PRELID2: variants seen among roughly 807,000 people sequenced by gnomAD.
PRELID2 encodes the protein PRELI domain-containing protein 2.
In PRELID2, 25 loss-of-function variants were observed where a neutral mutation model predicts 28.4. The ratio of observed to expected loss-of-function variants is 0.88; its 90% confidence interval spans 0.64 to 1.23. PRELID2 has a LOEUF of 1.23. Ranked by LOEUF, PRELID2 falls within the 50% of genes most tolerant of loss-of-function variation. PRELID2 has a pLI of 0.00. For synonymous variants in PRELID2, 76 were observed against 71.6 expected, an observed-to-expected ratio of 1.06 and a Z score of -0.31; for missense variants, 201 against 214.4, an observed-to-expected ratio of 0.94 and a Z score of 0.39.
intron 1 of PRELID2, among the ~76,000 whole-genome samples, chr5:145,743,431 G>T (rs1001215361): frequency 9.6e-5 from 12 of 125,272 alleles, no homozygotes; most frequent in Non-Finnish European, 1.5e-4. Context: ...AAAAAAAAAA[G>T]AAAGAAAAAG....
chr5:145,264,950 G>A, the PRELID2 span, among the ~76,000 whole-genome samples: 1 of 142,178 alleles, frequency 7.0e-6, no homozygotes, highest in African/African-American at 2.7e-5. Flanking sequence ...CTCCAACCTG[G>A]GCAACAAGAG....
intron 1 of PRELID2, among the ~76,000 whole-genome samples, chr5:145,643,465 T>C (rs974289763): frequency 9.2e-5 from 14 of 152,158 alleles, no homozygotes; most frequent in African/African-American, 3.1e-4. Context: ...CAAACATAGA[T>C]AATTTGACTT....
chr5:145,437,563 T>A, the PRELID2 span, among the ~76,000 whole-genome samples: 2 of 152,118 alleles, frequency 1.3e-5, no homozygotes, highest in East Asian at 3.9e-4. Context: ...TAGTCCCCAC[T>A]ACAATAGAAG....
At chr5:145,534,606 C>T (rs554067227) in intron 1 of PRELID2, among the ~76,000 whole-genome samples, 2 of 152,088 alleles carry the variant, frequency 1.3e-5, no homozygotes, top group Admixed American at 1.3e-4. Context: ...GTCCCTTTTT[C>T]CTCATTCACA....
chr5:145,702,665 A>G (rs1198271383), intron 1 of PRELID2, among the ~76,000 whole-genome samples: 2 of 152,206 alleles, frequency 1.3e-5, no homozygotes, highest in Non-Finnish European at 2.9e-5. Context: ...CCCCATGCCC[A>G]GCAGACTTCC....
the PRELID2 span, among the ~76,000 whole-genome samples, chr5:145,286,706 TTTTTTGTTTGTTTGTTTG>T: frequency 3.6e-3 from 343 of 96,506 alleles, 4 homozygotes; most frequent in African/African-American, 0.015. Flanking sequence ...GTTTTTGTTT[TTTTTTGTTTGTTTGTTTG>T]TTTTTTTTTT....
chr5:145,676,220 CAAAAAA>C (rs34833967), intron 1 of PRELID2, among the ~76,000 whole-genome samples: 1 of 53,602 alleles, frequency 1.9e-5, no homozygotes. Flanking sequence ...AACTCCATCT[CAAAAAA>C]AAAAAAAAAA....
chr5:145,565,333 T>A (rs935523312), intron 1 of PRELID2, among the ~76,000 whole-genome samples: 2 of 152,256 alleles, frequency 1.3e-5, no homozygotes, highest in Non-Finnish European at 2.9e-5. Context: ...GCCCTGTTAT[T>A]GTTTTGACAT....
chr5:145,595,161 G>GACACACACACACACATAC (rs1554078064), intron 1 of PRELID2, among the ~76,000 whole-genome samples: 95 of 131,248 alleles, frequency 7.2e-4, no homozygotes, highest in African/African-American at 2.9e-3. Context: ...AGTCATAATA[G>GACACACACACACACATAC]ACACACACAC....
the PRELID2 span, among the ~76,000 whole-genome samples, chr5:145,247,321 C>A: frequency 6.6e-6 from 1 of 152,054 alleles, no homozygotes; most frequent in Non-Finnish European, 1.5e-5. Flanking sequence ...TAATAAAACT[C>A]CGGTCTCCCA....
the PRELID2 span, among the ~76,000 whole-genome samples, chr5:145,259,678 A>G: frequency 6.6e-6 from 1 of 152,134 alleles, no homozygotes; most frequent in African/African-American, 2.4e-5. Flanking sequence ...GGTAGTAACT[A>G]ACTTGTTTTT....
intron 5 of PRELID2, among the ~76,000 whole-genome samples, chr5:145,772,885 C>T (rs959704331): frequency 6.6e-6 from 1 of 152,194 alleles, no homozygotes; most frequent in Admixed American, 6.5e-5. Context: ...ATCCCATCTA[C>T]AAACTGTTTT....
At chr5:145,513,718 G>A (rs1045672287) in intron 1 of PRELID2, among the ~76,000 whole-genome samples, 3 of 152,070 alleles carry the variant, frequency 2.0e-5, no homozygotes, top group African/African-American at 4.8e-5. Flanking sequence ...TTAGAATTAA[G>A]GAAAAAATGT....
At chr5:145,723,930 T>G (rs1367771431) in intron 1 of PRELID2, among the ~76,000 whole-genome samples, 1 of 152,156 alleles carries the variant, frequency 6.6e-6, no homozygotes, top group Non-Finnish European at 1.5e-5. Flanking sequence ...TGCAAAATAT[T>G]GGAAGTGACC....
the PRELID2 span, among the ~76,000 whole-genome samples, chr5:145,301,930 C>CTTTTT: frequency 1.2e-3 from 137 of 110,026 alleles, no homozygotes; most frequent in Non-Finnish European, 1.6e-3. Context: ...TTATTCATTT[C>CTTTTT]TTTTTTTTTT....
intron 1 of PRELID2, among the ~76,000 whole-genome samples, chr5:145,700,747 G>A (rs1755387049): frequency 6.6e-6 from 1 of 152,106 alleles, no homozygotes; most frequent in African/African-American, 2.4e-5. Flanking sequence ...CAGACTATAT[G>A]GGAGCATCCA....
chr5:145,561,135 T>A (rs1752922141), intron 1 of PRELID2, among the ~76,000 whole-genome samples: 1 of 152,156 alleles, frequency 6.6e-6, no homozygotes, highest in Non-Finnish European at 1.5e-5. Flanking sequence ...CTCCAAGTTA[T>A]GAATAAAGTA....
chr5:145,433,065 T>C, the PRELID2 span, among the ~76,000 whole-genome samples: 1 of 152,134 alleles, frequency 6.6e-6, no homozygotes. Context: ...CATTACTTAC[T>C]AAGATGCCCC....
At chr5:145,341,504 C>T in the PRELID2 span, among the ~76,000 whole-genome samples, 2 of 151,938 alleles carry the variant, frequency 1.3e-5, no homozygotes, top group Non-Finnish European at 2.9e-5. Flanking sequence ...TGAGCCACTG[C>T]ACTCCAACCT....
Sources: allele counts gnomAD v4.1 joint callset (sites outside exome capture counted in the v4.1 genomes callset), GRCh38; gene constraint gnomAD v4.1.1; transcripts MANE v1.5; gene names NCBI Gene and HGNC (gene_info 2026-07-23, HGNC 2026-07-21).